The following THSD4 variants were observed in gnomAD, a reference collection of about 807,000 sequenced individuals.
THSD4 encodes the protein thrombospondin type-1 domain-containing protein 4.
In THSD4, 69 loss-of-function variants were observed where a neutral mutation model predicts 119.0. The ratio of observed to expected loss-of-function variants is 0.58; its 90% confidence interval spans 0.48 to 0.71. The LOEUF (loss-of-function observed/expected upper bound fraction) is 0.71. Among genes scored for constraint, THSD4 ranks in the 30% least tolerant of loss-of-function variants. The pLI is 0.00. For missense variants in THSD4, 1,393 were observed against 1,391.1 expected (o/e 1.00, Z -0.02); for synonymous variants, 524 against 540.4 (o/e 0.97, Z 0.42).
chr15:71,523,367 G>C (rs746909679), intron 7 of THSD4, among the ~76,000 whole-genome samples: 1 of 152,104 alleles, frequency 6.6e-6, no homozygotes, highest in African/African-American at 2.4e-5. Flanking sequence ...TTTTCTCTCT[G>C]TGTTTCTCTT....
At chr15:71,594,126 C>G (rs966047849) in intron 7 of THSD4, among the ~76,000 whole-genome samples, 3 of 151,976 alleles carry the variant, frequency 2.0e-5, no homozygotes, top group African/African-American at 7.3e-5. Context: ...CGGTCCCTCT[C>G]TCTGCCCCTT....
At chr15:71,123,319 A>G (rs2040423237) in intron 1 of THSD4, among the ~76,000 whole-genome samples, 1 of 152,182 alleles carries the variant, frequency 6.6e-6, no homozygotes, top group African/African-American at 2.4e-5. Context: ...ATGCACTGTA[A>G]AGTGTGTGAA....
intron 7 of THSD4, 56 bp downstream of exon 7, chr15:71,411,879 C>T (rs1250489742): frequency 2.5e-6 from 4 of 1,601,978 alleles, no homozygotes; most frequent in African/African-American, 1.3e-5. Flanking sequence ...TGACTGCTGA[C>T]TCCATTGTTT....
At chr15:71,156,053 G>A (rs979295991) in intron 3 of THSD4, among the ~76,000 whole-genome samples, 3 of 152,146 alleles carry the variant, frequency 2.0e-5, no homozygotes, top group Admixed American at 2.0e-4. Context: ...CAAGCCTAAT[G>A]CTGCTCTGCA....
At chr15:71,638,286 T>G (rs7181628) in intron 7 of THSD4, among the ~76,000 whole-genome samples, 1 of 151,822 alleles carries the variant, frequency 6.6e-6, no homozygotes, top group Admixed American at 6.6e-5. Flanking sequence ...GGGTTATATT[T>G]CCAGAAGTCT....
In THSD4 at chr15:71,434,434, CTTTTT is replaced by C. The variant is rs34097873; in HGVS notation, c.1152+22635_1152+22639del. 8.1e-4 allele frequency among the ~76,000 whole-genome samples: 67 copies of C among 82,580 alleles called. 1 individual carries two copies. In the South Asian group the frequency reaches 0.011, roughly 13 times the overall value. The allele number at this position is 82,580 out of a possible 152,430, so 54.2% of individuals were successfully genotyped here. A position where few individuals can be genotyped will look rare whatever the true frequency, so the allele number is the denominator to read the frequency against. ...CAAAACAAAAAGAGGTCAGTGGTCC[CTTTTT>C]TTTTTTTTTTTTTTTTTTTTTTTAA... On this transcript the variant is annotated intron_variant, in intron 7 of 17. Transcript: ENST00000261862.
chr15:71,640,984 C>T (rs1595818276), intron 7 of THSD4, among the ~76,000 whole-genome samples: 1 of 81,414 alleles, frequency 1.2e-5, no homozygotes, highest in Admixed American at 1.2e-4. Flanking sequence ...CCTACAGACA[C>T]ACACACACAC....
At chr15:71,724,520 C>T (rs1233510850) in intron 8 of THSD4, among the ~76,000 whole-genome samples, 1 of 151,342 alleles carries the variant, frequency 6.6e-6, no homozygotes, top group Admixed American at 6.6e-5. Flanking sequence ...CTCCTGACCT[C>T]GTGATCCGCC....
intron 6 of THSD4, among the ~76,000 whole-genome samples, chr15:71,306,252 G>A (rs2045024480): frequency 7.7e-6 from 1 of 130,424 alleles, no homozygotes; most frequent in African/African-American, 2.9e-5. Context: ...GTTGCAGTGA[G>A]CCAAGATTGT....
intron 7 of THSD4, among the ~76,000 whole-genome samples, chr15:71,468,828 C>T (rs1424546561): frequency 6.6e-6 from 1 of 152,138 alleles, no homozygotes; most frequent in Non-Finnish European, 1.5e-5. Flanking sequence ...TACATTCCAG[C>T]CAGCAAAAAG....
intron 1 of THSD4, among the ~76,000 whole-genome samples, chr15:71,119,001 C>T (rs746358746): frequency 2.0e-5 from 3 of 152,216 alleles, no homozygotes; most frequent in Non-Finnish European, 2.9e-5. Context: ...TGCCCACAGC[C>T]TCGCTGGCTT....
intron 6 of THSD4, among the ~76,000 whole-genome samples, chr15:71,280,855 A>G (rs1016465574): frequency 3.3e-5 from 5 of 152,336 alleles, no homozygotes; most frequent in Middle Eastern, 3.4e-3. Context: ...GGACTACATT[A>G]CTGAAGGCTG....
intron 15 of THSD4, among the ~76,000 whole-genome samples, chr15:71,764,809 G>T (rs2053686983): frequency 1.3e-5 from 2 of 152,368 alleles, no homozygotes; most frequent in South Asian, 4.1e-4. Flanking sequence ...GACAATCAGG[G>T]CACCTAGTCT....
chr15:71,457,379 CAAAAAA>C, intron 7 of THSD4, among the ~76,000 whole-genome samples: 1 of 50,578 alleles, frequency 2.0e-5, no homozygotes, highest in South Asian at 8.7e-4. Context: ...GATCTCGCCT[CAAAAAA>C]AAAAAAAAAA....
At chr15:71,270,649 C>T (rs535306959) in intron 6 of THSD4, among the ~76,000 whole-genome samples, 1 of 152,272 alleles carries the variant, frequency 6.6e-6, no homozygotes, top group South Asian at 2.1e-4. Context: ...ACTCCAAAGT[C>T]TGGCTACAGG....
At chr15:71,197,204 G>A (rs1384112140) in intron 3 of THSD4, among the ~76,000 whole-genome samples, 1 of 152,200 alleles carries the variant, frequency 6.6e-6, no homozygotes, top group Non-Finnish European at 1.5e-5. Flanking sequence ...TGGGAATCAG[G>A]GCTGATGCAT....
intron 3 of THSD4, among the ~76,000 whole-genome samples, chr15:71,210,993 G>A (rs1024280031): frequency 1.2e-4 from 19 of 152,068 alleles, no homozygotes; most frequent in African/African-American, 4.3e-4. Context: ...TCTGTAAGAT[G>A]AACTACTAAA....
intron 6 of THSD4, among the ~76,000 whole-genome samples, chr15:71,375,708 G>A (rs983270016): frequency 6.6e-6 from 1 of 152,158 alleles, no homozygotes; most frequent in Non-Finnish European, 1.5e-5. Flanking sequence ...TTTATCTAGT[G>A]CAGTGGTTCT....
At chr15:71,764,177 T>A (rs2053674622) in intron 15 of THSD4, among the ~76,000 whole-genome samples, 1 of 151,984 alleles carries the variant, frequency 6.6e-6, no homozygotes, top group South Asian at 2.1e-4. Flanking sequence ...GCTCAGGAGG[T>A]TGAGGCCGCA....
Sources: gnomAD v4.1 joint callset for allele counts (sites outside exome capture counted in the v4.1 genomes callset) on GRCh38, gnomAD v4.1.1 for gene constraint, MANE v1.5 for transcripts, NCBI Gene and HGNC (gene_info 2026-07-23, HGNC 2026-07-21) for gene names.